Variants in COL25A1 observed in about 807,000 individuals in gnomAD.
COL25A1 encodes collagen alpha-1(XXV) chain.
A neutral mutation model predicts 128.4 loss-of-function variants in COL25A1; 103 were observed. The observed-to-expected ratio is 0.80, with a 90% CI of 0.68 to 0.94. COL25A1 has a LOEUF of 0.94. COL25A1 is among the 40% of genes least tolerant of loss of function. The pLI is 0.00. For missense variants in COL25A1, 745 were observed against 840.0 expected (o/e 0.89, Z 1.40); for synonymous variants, 279 against 277.2 (o/e 1.01, Z -0.06).
intron 3 of COL25A1, among the ~76,000 whole-genome samples, chr4:109,080,312 T>C (rs1223560626): frequency 6.6e-6 from 1 of 152,168 alleles, no homozygotes; most frequent in Non-Finnish European, 1.5e-5. Context: ...TCTTAACCGT[T>C]ATACTAAACT....
chr4:108,943,352 C>A (rs982321379), intron 8 of COL25A1, among the ~76,000 whole-genome samples: 3 of 152,108 alleles, frequency 2.0e-5, no homozygotes, highest in Non-Finnish European at 4.4e-5. Context: ...CAACAGGGAA[C>A]AAAATTTTGC....
At chr4:109,025,445 T>C (rs1758167886) in intron 5 of COL25A1, among the ~76,000 whole-genome samples, 1 of 152,208 alleles carries the variant, frequency 6.6e-6, no homozygotes, top group African/African-American at 2.4e-5. Flanking sequence ...CATCTTTCAG[T>C]CTGATTAAAT....
intron 5 of COL25A1, among the ~76,000 whole-genome samples, chr4:109,019,986 G>A (rs148370837): frequency 7.5e-4 from 114 of 152,218 alleles, no homozygotes; most frequent in African/African-American, 2.6e-3. Flanking sequence ...AGTACTGCAT[G>A]GAGGTTTAAA....
chr4:108,860,237 A>G (rs772411008), intron 23 of COL25A1, among the ~76,000 whole-genome samples: 5 of 151,832 alleles, frequency 3.3e-5, no homozygotes, highest in Non-Finnish European at 5.9e-5. Flanking sequence ...TCAGCCTCCC[A>G]TGCACCACCA....
intron 5 of COL25A1, among the ~76,000 whole-genome samples, chr4:109,031,254 G>A (rs1280694668): frequency 1.3e-5 from 2 of 152,174 alleles, no homozygotes; most frequent in Non-Finnish European, 2.9e-5. Flanking sequence ...TGGGACTACA[G>A]GCGCCTGCCA....
At chr4:109,121,918 C>T (rs914415671) in intron 3 of COL25A1, among the ~76,000 whole-genome samples, 7 of 151,928 alleles carry the variant, frequency 4.6e-5, no homozygotes, top group African/African-American at 7.2e-5. Context: ...TACATCCAGA[C>T]AATGGAATAT....
At chr4:108,900,691 G>T (rs1742729486) in intron 14 of COL25A1, among the ~76,000 whole-genome samples, 1 of 152,052 alleles carries the variant, frequency 6.6e-6, no homozygotes, top group Admixed American at 6.6e-5. Context: ...AACTGGTTAT[G>T]TTGTGTAAGA....
At chr4:109,043,730 AC>A (rs1343686730) in intron 5 of COL25A1, among the ~76,000 whole-genome samples, 1 of 152,126 alleles carries the variant, frequency 6.6e-6, no homozygotes, top group African/African-American at 2.4e-5. Context: ...AAGGATCAAA[AC>A]TATGTGTAAA....
At chr4:109,106,378 T>A (rs1293705144) in intron 3 of COL25A1, among the ~76,000 whole-genome samples, 1 of 152,164 alleles carries the variant, frequency 6.6e-6, no homozygotes, top group Non-Finnish European at 1.5e-5. Flanking sequence ...TTTATTTTGA[T>A]AGTTCAATGA....
rs72348233 is a variant in COL25A1, at chr4:108,869,190, CAATAAATAAATA to C, written c.1021-52_1021-41del. On this transcript the variant is annotated intron_variant, in intron 19 of 37. Transcript: ENST00000399132. ...GCATATGAGATCATTAATCATTTGA[CAATAAATAAATA>C]AATAAATAAATAAATAAATAAAAAC... The C allele has an allele frequency of 6.1e-4, 460 of 754,588 alleles. 4 individuals are homozygous for C. The African/African-American group carries it at 8.9e-3, about 15-fold the overall frequency. The allele number at this position is 754,588 out of a possible 1,614,324, so 46.7% of individuals were successfully genotyped here. A position where few individuals can be genotyped will look rare whatever the true frequency, so the allele number is the denominator to read the frequency against.
chr4:109,228,518 G>T (rs1268566811), intron 3 of COL25A1, among the ~76,000 whole-genome samples: 2 of 152,078 alleles, frequency 1.3e-5, no homozygotes, highest in Non-Finnish European at 2.9e-5. Flanking sequence ...TAATCTTTTA[G>T]AATTGGGATT....
chr4:109,153,468 C>A (rs1281098773), intron 3 of COL25A1, among the ~76,000 whole-genome samples: 2 of 151,910 alleles, frequency 1.3e-5, no homozygotes, highest in African/African-American at 4.8e-5. Context: ...ACTTGCACAG[C>A]TAGGTGCTAA....
chr4:109,142,548 A>C (rs1382378572), intron 3 of COL25A1, among the ~76,000 whole-genome samples: 1 of 151,286 alleles, frequency 6.6e-6, no homozygotes, highest in Non-Finnish European at 1.5e-5. Flanking sequence ...GTGGGAGTCT[A>C]AGTCTCTTTG....
Position 108,868,620 on chromosome 4 carries a change from AAG to A in COL25A1, c.1083+466_1083+467del, listed in dbSNP as rs1325697591. 3.1e-3 allele frequency among the ~76,000 whole-genome samples: 466 copies of A among 150,658 alleles called. 1 individual carries two copies. The highest frequency in any genetic ancestry group is 0.011 in the African/African-American group (458 of 41,020). On this transcript the variant is annotated intron_variant, in intron 20 of 37. Coordinates refer to ENST00000399132, the MANE Select transcript of COL25A1 (RefSeq NM_198721.4). The stretch of plus-strand genomic sequence containing the variant: ...AGAAAGAAAGAAAAAGAAAGAAAGA[AAG>A]AAAGAAGGGAAAAGGGAAGGAAGGG...
At chr4:109,252,940 T>C (rs570166868) in intron 3 of COL25A1, among the ~76,000 whole-genome samples, 13 of 152,314 alleles carry the variant, frequency 8.5e-5, no homozygotes, top group African/African-American at 2.9e-4. Context: ...TGTGAGGCCA[T>C]AGGCACAGAC....
intron 3 of COL25A1, among the ~76,000 whole-genome samples, chr4:109,149,268 T>C (rs955945559): frequency 2.6e-5 from 4 of 152,228 alleles, no homozygotes; most frequent in Non-Finnish European, 5.9e-5. Context: ...CGGTTTCCTA[T>C]TGGATCATTT....
intron 5 of COL25A1, among the ~76,000 whole-genome samples, chr4:109,016,585 A>T (rs1294809094): frequency 6.6e-6 from 1 of 152,250 alleles, no homozygotes; most frequent in Non-Finnish European, 1.5e-5. Context: ...TCTGAAGCCC[A>T]TAAAAACCCC....
chr4:108,860,485 C>A (rs897933128), intron 23 of COL25A1, among the ~76,000 whole-genome samples: 5 of 152,108 alleles, frequency 3.3e-5, no homozygotes, highest in African/African-American at 9.7e-5. Flanking sequence ...AAATAGGGAA[C>A]AAACAATAGA....
chr4:109,033,215 G>A (rs1759033074), intron 5 of COL25A1, among the ~76,000 whole-genome samples: 1 of 152,210 alleles, frequency 6.6e-6, no homozygotes, highest in South Asian at 2.1e-4. Context: ...TACACACAAA[G>A]AGTGTATAGG....
Sources: allele counts gnomAD v4.1 joint callset (sites outside exome capture counted in the v4.1 genomes callset), GRCh38; gene constraint gnomAD v4.1.1; transcripts MANE v1.5; gene names NCBI Gene and HGNC (gene_info 2026-07-23, HGNC 2026-07-21).